Variants in CSMD3 observed in about 807,000 individuals in gnomAD.
CSMD3 encodes the protein CUB and Sushi multiple domains 3, also known as CUB and sushi domain-containing protein 3.
In CSMD3, 177 loss-of-function variants were observed where a neutral mutation model predicts 435.2. The ratio of observed to expected loss-of-function variants is 0.41; its 90% confidence interval spans 0.36 to 0.46. The LOEUF is 0.46. CSMD3 is among the 20% of genes least tolerant of loss of function. The pLI is 0.34. For synonymous variants in CSMD3, 1,656 were observed against 1,520.5 expected, an observed-to-expected ratio of 1.09 and a Z score of -2.07; for missense variants, 4,265 against 4,504.6, an observed-to-expected ratio of 0.95 and a Z score of 1.52.
rs559189161 is a variant in CSMD3, at chr8:112,960,737, A to G, written c.1343-5976T>C. Among the ~76,000 whole-genome samples, 16 of 151,942 alleles carry G rather than the reference A, an allele frequency of 1.1e-4. No individual in the cohort carries two copies. In the East Asian group the frequency reaches 3.1e-3, roughly 29 times the overall value. On this transcript the variant is annotated intron_variant, in intron 7 of 70. Transcript: ENST00000297405. ...AAAGTACAGAAAAATTCATTGGTAG[A>G]GATAAACATACTAGGGATACACGAG...
chr8:112,581,281 TGTCCCTAAA>T (rs1435465847), intron 23 of CSMD3, among the ~76,000 whole-genome samples: 10 of 152,068 alleles, frequency 6.6e-5, no homozygotes, highest in Non-Finnish European at 1.3e-4. Context: ...TAGGTTTACC[TGTCCCTAAA>T]GCCCATTCTT....
At chr8:113,113,078 C>T (rs532478078) in intron 4 of CSMD3, among the ~76,000 whole-genome samples, 1 of 152,316 alleles carries the variant, frequency 6.6e-6, no homozygotes, top group African/African-American at 2.4e-5. Flanking sequence ...TATCTCCTCC[C>T]AGGAGTTCCC....
At chr8:112,612,571 T>C (rs1218197266) in intron 22 of CSMD3, among the ~76,000 whole-genome samples, 1 of 152,022 alleles carries the variant, frequency 6.6e-6, no homozygotes, top group Non-Finnish European at 1.5e-5. Flanking sequence ...AGTTCTAAAG[T>C]AGATAAGCTG....
intron 16 of CSMD3, among the ~76,000 whole-genome samples, chr8:112,673,173 T>TA (rs540547458): frequency 9.9e-4 from 142 of 143,958 alleles, no homozygotes; most frequent in Admixed American, 9.1e-4. Flanking sequence ...TTTTGTTCCT[T>TA]AAAAAAAAAA....
intron 13 of CSMD3, among the ~76,000 whole-genome samples, chr8:112,718,912 A>G (rs949054391): frequency 6.6e-6 from 1 of 152,100 alleles, no homozygotes; most frequent in Non-Finnish European, 1.5e-5. Flanking sequence ...AATTAAATCT[A>G]TTTATTAGGT....
intron 22 of CSMD3, among the ~76,000 whole-genome samples, chr8:112,618,639 TAGACAC>T (rs1323475275): frequency 6.7e-6 from 1 of 150,030 alleles, no homozygotes; most frequent in Non-Finnish European, 1.5e-5. Context: ...TCATGGAGTA[TAGACAC>T]AGACAATGTG....
In CSMD3 at chr8:112,866,803, A is replaced by G. The variant is rs2080997553; in HGVS notation, c.1634-7537T>C. Among the ~76,000 whole-genome samples, 3 of 152,166 alleles carry G rather than the reference A, an allele frequency of 2.0e-5. No homozygotes were observed. In the South Asian group the frequency reaches 6.2e-4, roughly 31 times the overall value. On this transcript the variant is annotated intron_variant, in intron 10 of 70. Transcript: ENST00000297405. ...TCTGCTGCACATGATGTGATAGACA[A>G]AACAGGCCATATTATTTTTTACTTA...
At chr8:113,136,897 T>C (rs1227123916) in intron 4 of CSMD3, among the ~76,000 whole-genome samples, 1 of 151,508 alleles carries the variant, frequency 6.6e-6, no homozygotes, top group Non-Finnish European at 1.5e-5. Flanking sequence ...ACAACACCCA[T>C]AAGTCAAGCA....
At chr8:112,529,959 T>C (rs778841015) in intron 27 of CSMD3, among the ~76,000 whole-genome samples, 11 of 150,968 alleles carry the variant, frequency 7.3e-5, no homozygotes, top group South Asian at 4.2e-4. Context: ...AACAAACAGA[T>C]AGAAAATATA....
chr8:112,789,689 T>C (rs937426303), intron 13 of CSMD3, among the ~76,000 whole-genome samples: 2 of 152,042 alleles, frequency 1.3e-5, no homozygotes, highest in Non-Finnish European at 2.9e-5. Context: ...GTTTTTATTA[T>C]TGACATAATG....
At chr8:113,216,714 T>C (rs2092910336) in intron 3 of CSMD3, among the ~76,000 whole-genome samples, 3 of 151,918 alleles carry the variant, frequency 2.0e-5, no homozygotes, top group African/African-American at 4.8e-5. Context: ...AAAGCTTTCG[T>C]TGGCATATGG....
Position 112,525,723 on chromosome 8 carries a change from C to CA in CSMD3, c.4565-8499dup, listed in dbSNP as rs943580180. On this transcript the variant is annotated intron_variant, in intron 27 of 70. Coordinates refer to ENST00000297405, the MANE Select transcript of CSMD3 (RefSeq NM_198123.2). ...GCGACAGAGCGAGACTCCGTCCTCC[C>CA]AAAAAAACCCCAAAAACCATATATA... 7.3e-5 allele frequency among the ~76,000 whole-genome samples: 10 copies of CA among 137,256 alleles called. No homozygotes were observed. The South Asian group carries it at 1.4e-3, about 19-fold the overall frequency. 90.0% of individuals were successfully genotyped at this position (137,256 alleles called of 152,430 possible).
intron 1 of CSMD3, among the ~76,000 whole-genome samples, chr8:113,361,840 A>T (rs1200687537): frequency 2.0e-5 from 3 of 152,170 alleles, no homozygotes; most frequent in Non-Finnish European, 4.4e-5. Flanking sequence ...CCTCATTAGC[A>T]ATAGGAAATA....
chr8:113,049,934 A>T (rs532938804), intron 5 of CSMD3, among the ~76,000 whole-genome samples: 288 of 152,224 alleles, frequency 1.9e-3, no homozygotes, highest in African/African-American at 6.6e-3. Flanking sequence ...TGTGTCCAAC[A>T]TTACAGCACA....
chr8:112,743,650 G>A (rs1212557043), intron 13 of CSMD3, among the ~76,000 whole-genome samples: 5 of 151,822 alleles, frequency 3.3e-5, no homozygotes, highest in African/African-American at 1.2e-4. Context: ...CTGATTTTTA[G>A]AGAAGACAGA....
intron 9 of CSMD3, among the ~76,000 whole-genome samples, chr8:112,940,343 A>G (rs973542607): frequency 7.9e-5 from 12 of 151,814 alleles, no homozygotes; most frequent in African/African-American, 2.7e-4. Flanking sequence ...CTAGTGTGAC[A>G]TAAGAGATTT....
chr8:113,236,940 T>A (rs764854063), intron 3 of CSMD3, among the ~76,000 whole-genome samples: 32 of 152,282 alleles, frequency 2.1e-4, no homozygotes, highest in Non-Finnish European at 3.8e-4. Context: ...GAACCCAGTG[T>A]GGCTGAACCA....
intron 12 of CSMD3, among the ~76,000 whole-genome samples, chr8:112,826,364 C>T (rs2079680672): frequency 6.6e-6 from 1 of 152,180 alleles, no homozygotes; most frequent in Admixed American, 6.5e-5. Context: ...GCCACCCCTT[C>T]CCCTGAGAGC....
intron 13 of CSMD3, among the ~76,000 whole-genome samples, chr8:112,692,911 TTATATCTATCTATCTA>T (rs1386207329): frequency 7.6e-5 from 11 of 144,198 alleles, no homozygotes; most frequent in Admixed American, 6.6e-4. Flanking sequence ...AAATTAATCT[TTATATCTATCTATCTA>T]TCTATCTATC....
Sources: allele counts gnomAD v4.1 joint callset (sites outside exome capture counted in the v4.1 genomes callset), GRCh38; gene constraint gnomAD v4.1.1; transcripts MANE v1.5; gene names NCBI Gene and HGNC (gene_info 2026-07-23, HGNC 2026-07-21).